The following COL24A1 variants were observed in gnomAD, a reference collection of about 807,000 sequenced individuals.
COL24A1 encodes collagen alpha-1(XXIV) chain.
A neutral mutation model predicts 253.9 loss-of-function variants in COL24A1; 224 were observed. That is an observed-to-expected ratio of 0.88 (90% CI 0.79 to 0.99). The LOEUF (loss-of-function observed/expected upper bound fraction) is 0.99. COL24A1 is among the 50% of genes least tolerant of loss of function. The pLI is 0.00. For missense variants in COL24A1, 2,131 were observed against 2,068.5 expected (o/e 1.03, Z -0.59); for synonymous variants, 685 against 673.7 (o/e 1.02, Z -0.26).
At chr1:85,811,945 G>A (rs78726658) in intron 47 of COL24A1, among the ~76,000 whole-genome samples, 321 of 152,212 alleles carry the variant, frequency 2.1e-3, no homozygotes, top group African/African-American at 7.4e-3. Context: ...TGAGCCCTTT[G>A]GTAATCTCCC....
intron 12 of COL24A1, among the ~76,000 whole-genome samples, chr1:86,038,747 A>G (rs1314681847): frequency 6.6e-6 from 1 of 152,122 alleles, no homozygotes; most frequent in African/African-American, 2.4e-5. Flanking sequence ...TTCTGAATAC[A>G]TTCAGCAGCA....
chr1:85,997,769 A>G (rs1014416330), intron 19 of COL24A1, among the ~76,000 whole-genome samples: 12 of 152,032 alleles, frequency 7.9e-5, no homozygotes, highest in Non-Finnish European at 1.8e-4. Flanking sequence ...TACAGAAAAA[A>G]AAAAAAAAAG....
intron 47 of COL24A1, among the ~76,000 whole-genome samples, chr1:85,790,044 T>A (rs929917938): frequency 6.6e-6 from 1 of 152,214 alleles, no homozygotes; most frequent in African/African-American, 2.4e-5. Context: ...GGTTTTGGTA[T>A]CAGGATGATG....
intron 11 of COL24A1, among the ~76,000 whole-genome samples, chr1:86,049,794 A>G (rs1268585495): frequency 6.6e-6 from 1 of 152,158 alleles, no homozygotes; most frequent in Non-Finnish European, 1.5e-5. Flanking sequence ...AGACCTGTCA[A>G]GAATTTATAC....
intron 38 of COL24A1, among the ~76,000 whole-genome samples, chr1:85,848,392 C>G (rs1232940332): frequency 1.3e-5 from 2 of 152,114 alleles, no homozygotes; most frequent in South Asian, 2.1e-4. Context: ...TCACTGCAAC[C>G]TCTGCCTCCT....
intron 5 of COL24A1, among the ~76,000 whole-genome samples, chr1:86,093,651 A>C (rs1225907033): frequency 1.3e-5 from 2 of 152,158 alleles, no homozygotes; most frequent in Non-Finnish European, 2.9e-5. Flanking sequence ...GATCTAATTA[A>C]ACCAAAGAGG....
chr1:85,817,404 G>T lies in COL24A1; in HGVS notation c.3844-509C>A, dbSNP rs919493780. ...TGGGCAACTAAATTTCATATGCAAG[G>T]ATCTCTGATCTGAATGTGCTTATAA... On this transcript the variant is annotated intron_variant, in intron 46 of 59. Coordinates refer to ENST00000370571, the MANE Select transcript of COL24A1 (RefSeq NM_152890.7). Among the ~76,000 whole-genome samples the T allele has an allele frequency of 3.3e-5, 5 of 151,918 alleles. No homozygotes were observed. In the South Asian group the frequency reaches 1.0e-3, roughly 32 times the overall value.
chr1:86,041,239 T>C (rs916701297), intron 12 of COL24A1, among the ~76,000 whole-genome samples: 3 of 152,202 alleles, frequency 2.0e-5, no homozygotes, highest in Non-Finnish European at 4.4e-5. Flanking sequence ...TTTTGCTCTT[T>C]GTCAAACTTT....
chr1:86,147,228 A>G (rs2102423257), intron 1 of COL24A1, among the ~76,000 whole-genome samples: 1 of 152,312 alleles, frequency 6.6e-6, no homozygotes, highest in Admixed American at 6.5e-5. Context: ...CAACTAGTAT[A>G]AGGAGCATCT....
intron 14 of COL24A1, among the ~76,000 whole-genome samples, chr1:86,028,491 A>T (rs535446444): frequency 6.6e-6 from 1 of 152,174 alleles, no homozygotes; most frequent in South Asian, 2.1e-4. Context: ...CCCTGTTTGC[A>T]TTCACTCTGC....
At chr1:85,859,326 T>A (rs1379039359) in intron 37 of COL24A1, among the ~76,000 whole-genome samples, 3 of 152,140 alleles carry the variant, frequency 2.0e-5, no homozygotes, top group Non-Finnish European at 4.4e-5. Flanking sequence ...TTAAAGAACA[T>A]GCATTAAATG....
At chr1:86,058,914 T>G (rs1464116124) in intron 9 of COL24A1, among the ~76,000 whole-genome samples, 3 of 152,156 alleles carry the variant, frequency 2.0e-5, no homozygotes, top group Admixed American at 6.6e-5. Context: ...ACATCAAACA[T>G]ATTTAAAATC....
intron 12 of COL24A1, among the ~76,000 whole-genome samples, chr1:86,042,715 C>T (rs371139116): frequency 2.6e-5 from 4 of 151,980 alleles, no homozygotes; most frequent in East Asian, 3.9e-4. Context: ...AACTTAATTC[C>T]GTGCTTTGTG....
At chr1:85,860,558 G>A (rs1336547005) in intron 37 of COL24A1, among the ~76,000 whole-genome samples, 1 of 152,156 alleles carries the variant, frequency 6.6e-6, no homozygotes, top group Non-Finnish European at 1.5e-5. Flanking sequence ...TGGCTAACAC[G>A]GTGAAATCCC....
At chr1:85,777,284 A>AT (rs1441750212) in intron 52 of COL24A1, among the ~76,000 whole-genome samples, 1 of 152,076 alleles carries the variant, frequency 6.6e-6, no homozygotes, top group Non-Finnish European at 1.5e-5. Flanking sequence ...ACTTTAAAAA[A>AT]ATATATACAC....
intron 10 of COL24A1, among the ~76,000 whole-genome samples, chr1:86,052,746 A>G (rs1700404081): frequency 6.6e-6 from 1 of 152,048 alleles, no homozygotes; most frequent in Non-Finnish European, 1.5e-5. Context: ...TATGTTATAT[A>G]TATTTTATGT....
At chr1:85,858,676 C>CTTCT (rs1678783530) in intron 37 of COL24A1, among the ~76,000 whole-genome samples, 1 of 149,022 alleles carries the variant, frequency 6.7e-6, no homozygotes. Context: ...TCCTTCCTTC[C>CTTCT]TTCCCTCCGT....
chr1:85,851,001 G>GTGTGTATA (rs1553198847), intron 37 of COL24A1, among the ~76,000 whole-genome samples: 1 of 139,172 alleles, frequency 7.2e-6, no homozygotes, highest in South Asian at 2.4e-4. Flanking sequence ...GTGTGTGTGT[G>GTGTGTATA]TATATATATA....
intron 1 of COL24A1, among the ~76,000 whole-genome samples, chr1:86,147,945 G>A (rs766175623): frequency 2.4e-4 from 37 of 152,178 alleles, no homozygotes; most frequent in Non-Finnish European, 3.2e-4. Flanking sequence ...GCACTTGTGA[G>A]CAATCACTGG....
Sources: gnomAD v4.1 joint callset for allele counts (sites outside exome capture counted in the v4.1 genomes callset) on GRCh38, gnomAD v4.1.1 for gene constraint, MANE v1.5 for transcripts, NCBI Gene and HGNC (gene_info 2026-07-23, HGNC 2026-07-21) for gene names.